Variants in PTPRD observed in about 807,000 individuals in gnomAD.
PTPRD encodes the protein protein tyrosine phosphatase receptor type D, also known as receptor-type tyrosine-protein phosphatase delta.
In PTPRD, 34 loss-of-function variants were observed where a neutral mutation model predicts 214.5. The ratio of observed to expected loss-of-function variants is 0.16; its 90% CI spans 0.12 to 0.21. The LOEUF is 0.21. Ranked by LOEUF, PTPRD falls within the 10% of genes least tolerant of loss-of-function variation. The pLI is 1.00. For missense variants in PTPRD, 2,545 were observed against 2,398.7 expected (o/e 1.06, Z -1.27); for synonymous variants, 1,128 against 845.7 (o/e 1.33, Z -5.79).
intron 10 of PTPRD, among the ~76,000 whole-genome samples, chr9:9,042,105 T>C (rs1358122607): frequency 1.3e-5 from 2 of 152,156 alleles, no homozygotes; most frequent in African/African-American, 4.8e-5. Context: ...GAAATGCCAT[T>C]AGGTTCTCTC....
intron 11 of PTPRD, among the ~76,000 whole-genome samples, chr9:8,799,755 A>G (rs1434327382): frequency 1.1e-4 from 17 of 152,070 alleles, no homozygotes; most frequent in East Asian, 3.9e-4. Context: ...TCTGTAATGA[A>G]TATCTGTCAC....
intron 9 of PTPRD, among the ~76,000 whole-genome samples, chr9:9,362,574 T>G (rs543983515): frequency 6.6e-6 from 1 of 151,248 alleles, no homozygotes; most frequent in East Asian, 2.0e-4. Flanking sequence ...TTCTAAAAGA[T>G]ATATCTGTCC....
intron 5 of PTPRD, among the ~76,000 whole-genome samples, chr9:9,886,030 C>G (rs1038507581): frequency 6.6e-6 from 1 of 151,514 alleles, no homozygotes; most frequent in African/African-American, 2.4e-5. Context: ...ATAAACAGTG[C>G]CAAATGAAAA....
At chr9:9,025,656 A>G (rs1458646107) in intron 10 of PTPRD, among the ~76,000 whole-genome samples, 1 of 151,984 alleles carries the variant, frequency 6.6e-6, no homozygotes, top group Non-Finnish European at 1.5e-5. Flanking sequence ...AACACTCACA[A>G]TAATTTGGGA....
chr9:9,240,074 G>A (rs1055913943), intron 9 of PTPRD, among the ~76,000 whole-genome samples: 2 of 152,034 alleles, frequency 1.3e-5, no homozygotes, highest in Admixed American at 1.3e-4. Flanking sequence ...ACCCATTCAA[G>A]CACAAATATT....
intron 2 of PTPRD, among the ~76,000 whole-genome samples, chr9:10,522,183 G>A (rs1456733626): frequency 2.0e-5 from 3 of 152,132 alleles, no homozygotes; most frequent in Admixed American, 2.0e-4. Flanking sequence ...ATAGGCAGTG[G>A]ATATTGAAGG....
intron 11 of PTPRD, among the ~76,000 whole-genome samples, chr9:8,847,134 A>G (rs534020229): frequency 3.3e-5 from 5 of 152,210 alleles, no homozygotes; most frequent in Admixed American, 3.3e-4. Flanking sequence ...CAGATTTTGA[A>G]TGATAAAATT....
chr9:10,271,625 C>G (rs1160187349), intron 3 of PTPRD, among the ~76,000 whole-genome samples: 2 of 151,354 alleles, frequency 1.3e-5, no homozygotes, highest in African/African-American at 2.4e-5. Flanking sequence ...TCACTGCAAC[C>G]TCCGCCTCCC....
At chr9:9,957,451 G>A (rs1254210719) in intron 4 of PTPRD, among the ~76,000 whole-genome samples, 1 of 152,032 alleles carries the variant, frequency 6.6e-6, no homozygotes, top group African/African-American at 2.4e-5. Context: ...AATGTTACAA[G>A]AGAGCAAGCA....
At chr9:8,517,467 C>G (rs773483036) in intron 21 of PTPRD, among the ~76,000 whole-genome samples, 55 of 152,166 alleles carry the variant, frequency 3.6e-4, no homozygotes, top group Admixed American at 9.8e-4. Context: ...TTAGCTTTGT[C>G]TTGAACCATC....
intron 3 of PTPRD, 106 bp from the exon 4 acceptor site, chr9:10,033,896 C>T (rs1377894171): frequency 1.3e-5 from 2 of 151,886 alleles, no homozygotes; most frequent in Non-Finnish European, 2.9e-5. Flanking sequence ...GGAAAAACTG[C>T]CTTGTAGATA....
chr9:10,391,363 G>C (rs10959089), intron 2 of PTPRD, among the ~76,000 whole-genome samples: 81,277 of 151,342 alleles, frequency 0.54, 25,132 homozygotes, highest in Non-Finnish European at 0.72. Context: ...AGTCAGAGAG[G>C]GGCCTAATAT....
At chr9:9,172,320 A>G (rs2099921957) in intron 10 of PTPRD, among the ~76,000 whole-genome samples, 1 of 152,176 alleles carries the variant, frequency 6.6e-6, no homozygotes, top group African/African-American at 2.4e-5. Flanking sequence ...CTAAAGAAAC[A>G]TAGTAATAAA....
Position 8,319,833 on chromosome 9 carries a change from C to T in PTPRD, c.5668G>A (p.Glu1890Lys), listed in dbSNP as rs753209923. The T allele has an allele frequency of 6.2e-7, 1 of 1,612,570 alleles. No individual in the cohort carries two copies. The highest frequency in any genetic ancestry group is 8.5e-7 in the Non-Finnish European group (1 of 1,179,196). Residue 1890 changes from glutamate to lysine, a missense_variant and splice_region_variant, in exon 45 of 46, where the codon GAG (glutamate) becomes AAG (lysine). Physicochemically the swap from Glu to Lys is moderately conservative, Grantham distance 56. Transcript: ENST00000381196. ...RTQRPAMVQT[E>K]DQYQFSYRAA... ...AAAAATGCAATGGATTTTCTCACCT[C>T]TGTCTGTACCATAGCTGGTCGTTGT...
chr9:9,146,945 A>G (rs1411221991), intron 10 of PTPRD, among the ~76,000 whole-genome samples: 14 of 152,176 alleles, frequency 9.2e-5, no homozygotes, highest in Non-Finnish European at 2.9e-5. Flanking sequence ...GTCACCCAAA[A>G]CATTTGACTT....
intron 8 of PTPRD, among the ~76,000 whole-genome samples, chr9:9,452,550 G>T (rs908388741): frequency 2.0e-5 from 3 of 151,088 alleles, no homozygotes; most frequent in African/African-American, 7.3e-5. Flanking sequence ...AACCACAGAA[G>T]TTGGCTTAAC....
At chr9:10,594,390 C>T (rs948182407) in intron 2 of PTPRD, among the ~76,000 whole-genome samples, 1 of 151,788 alleles carries the variant, frequency 6.6e-6, no homozygotes, top group South Asian at 2.1e-4. Flanking sequence ...GATAAAGCAC[C>T]TATGAAATTA....
At chr9:8,419,939 C>T (rs556487712) in intron 35 of PTPRD, among the ~76,000 whole-genome samples, 2 of 152,186 alleles carry the variant, frequency 1.3e-5, no homozygotes, top group East Asian at 3.9e-4. Flanking sequence ...TTGAAACACA[C>T]ATTTTAGACA....
intron 12 of PTPRD, among the ~76,000 whole-genome samples, chr9:8,677,593 G>C (rs1166473887): frequency 6.6e-6 from 1 of 152,088 alleles, no homozygotes; most frequent in Non-Finnish European, 1.5e-5. Context: ...GAAATAATAA[G>C]TACACCAAAC....
Sources: allele counts gnomAD v4.1 joint callset (sites outside exome capture counted in the v4.1 genomes callset), GRCh38; gene constraint gnomAD v4.1.1; transcripts MANE v1.5; gene names NCBI Gene and HGNC (gene_info 2026-07-23, HGNC 2026-07-21).